Variants in WWOX observed in about 807,000 individuals in gnomAD.
The protein encoded by WWOX is WW domain-containing oxidoreductase.
Under a neutral mutation model 46.2 loss-of-function variants are expected in WWOX, and 69 were observed. The ratio of observed to expected loss-of-function variants is 1.49; its 90% CI spans 1.23 to 1.82. The LOEUF (loss-of-function observed/expected upper bound fraction) is 1.82, where lower values mean the gene tolerates loss of function less well. WWOX is among the 40% of genes most tolerant of loss of function. The probability of loss-of-function intolerance (pLI) is 0.00; values close to 1 mark genes in which losing one functional copy is unlikely to be tolerated. For missense variants in WWOX, 919 were observed against 542.6 expected (o/e 1.69, Z -6.89); for synonymous variants, 359 against 202.6 (o/e 1.77, Z -6.56).
chr16:78,915,514 C>T lies in WWOX; in HGVS notation c.1057-296094C>T, dbSNP rs1015830460. On this transcript the variant is annotated intron_variant, in intron 8 of 8. Coordinates refer to ENST00000566780, the MANE Select transcript of WWOX (RefSeq NM_016373.4). ...ATGAGCCTACACAGAATGTCGCATG[C>T]AGATCAATGAGCCAAATGTTAGCAG... 2.6e-5 allele frequency among the ~76,000 whole-genome samples: 4 copies of T among 152,254 alleles called. No homozygotes were observed. In the East Asian group the frequency reaches 7.7e-4, roughly 29 times the overall value.
intron 8 of WWOX, among the ~76,000 whole-genome samples, chr16:79,178,522 G>T (rs760447575): frequency 6.6e-6 from 1 of 152,076 alleles, no homozygotes; most frequent in Non-Finnish European, 1.5e-5. Context: ...TCACTGTGTT[G>T]TCCAGGCTGG....
At chr16:78,189,191 A>G (rs761626309) in intron 5 of WWOX, among the ~76,000 whole-genome samples, 2 of 152,196 alleles carry the variant, frequency 1.3e-5, no homozygotes, top group Non-Finnish European at 2.9e-5. Context: ...AGGAATACCT[A>G]GATTCCAGAG....
intron 8 of WWOX, among the ~76,000 whole-genome samples, chr16:78,589,607 G>C (rs776015440): frequency 6.6e-6 from 1 of 152,206 alleles, no homozygotes; most frequent in Non-Finnish European, 1.5e-5. Flanking sequence ...CAGTAGAGAA[G>C]TGGTTGCTTA....
intron 8 of WWOX, among the ~76,000 whole-genome samples, chr16:78,935,883 G>A (rs890395790): frequency 3.3e-5 from 5 of 152,048 alleles, no homozygotes; most frequent in African/African-American, 1.2e-4. Context: ...CTGCACTTCG[G>A]CCTGGGTGAC....
At chr16:78,960,327 G>T (rs547248634) in intron 8 of WWOX, among the ~76,000 whole-genome samples, 3 of 152,188 alleles carry the variant, frequency 2.0e-5, no homozygotes, top group African/African-American at 4.8e-5. Context: ...CGTTTGGCTT[G>T]TGGTATATTC....
intron 8 of WWOX, among the ~76,000 whole-genome samples, chr16:78,962,981 T>A (rs1419368319): frequency 3.3e-5 from 5 of 152,208 alleles, no homozygotes; most frequent in Non-Finnish European, 5.9e-5. Context: ...TCATTCTTCT[T>A]TCTCTGCCAC....
At chr16:78,936,424 T>A (rs1426344064) in intron 8 of WWOX, among the ~76,000 whole-genome samples, 1 of 152,148 alleles carries the variant, frequency 6.6e-6, no homozygotes, top group Non-Finnish European at 1.5e-5. Flanking sequence ...GACTTCTTAC[T>A]CTCTAGAGCT....
chr16:78,586,291 TG>T (rs2045205527), intron 8 of WWOX, among the ~76,000 whole-genome samples: 1 of 152,200 alleles, frequency 6.6e-6, no homozygotes, highest in Non-Finnish European at 1.5e-5. Context: ...AGCAAGATTC[TG>T]CCTTTAAAAA....
At chr16:78,260,133 C>T (rs972245086) in intron 5 of WWOX, among the ~76,000 whole-genome samples, 7 of 151,336 alleles carry the variant, frequency 4.6e-5, no homozygotes, top group African/African-American at 1.5e-4. Context: ...AAGGAGCAGG[C>T]AGCCATCCTT....
At chr16:78,907,223 G>C (rs372341949) in intron 8 of WWOX, among the ~76,000 whole-genome samples, 1 of 152,082 alleles carries the variant, frequency 6.6e-6, no homozygotes, top group Non-Finnish European at 1.5e-5. Context: ...CCCTGAATCC[G>C]CTTCTGGGTG....
chr16:78,887,060 T>C (rs2044473282), intron 8 of WWOX, among the ~76,000 whole-genome samples: 1 of 90,724 alleles, frequency 1.1e-5, no homozygotes, highest in Admixed American at 1.4e-4. Flanking sequence ...ACAGTCTGGC[T>C]ATATGTGTGT....
intron 8 of WWOX, among the ~76,000 whole-genome samples, chr16:79,176,241 T>C (rs890802924): frequency 2.6e-5 from 4 of 152,204 alleles, no homozygotes; most frequent in African/African-American, 9.6e-5. Flanking sequence ...TCCTGGCCAA[T>C]GGCAGCTACG....
chr16:79,124,191 T>C (rs1291418950), intron 8 of WWOX, among the ~76,000 whole-genome samples: 1 of 152,174 alleles, frequency 6.6e-6, no homozygotes, highest in Non-Finnish European at 1.5e-5. Flanking sequence ...CCCGTTGCTA[T>C]AGATACCAAA....
intron 8 of WWOX, among the ~76,000 whole-genome samples, chr16:78,637,441 C>CA (rs11426631): frequency 0.3 from 41,088 of 139,140 alleles, 5,944 homozygotes; most frequent in African/African-American, 0.39. Context: ...AACTCTGTCT[C>CA]AAAAAAAAAA....
chr16:79,185,802 G>A (rs16949820), intron 8 of WWOX, among the ~76,000 whole-genome samples: 1,752 of 152,262 alleles, frequency 0.012, 97 homozygotes, highest in Admixed American at 0.097. Flanking sequence ...AGGGTAGAAT[G>A]CATCGGACAC....
At chr16:79,013,647 G>T (rs914839255) in intron 8 of WWOX, among the ~76,000 whole-genome samples, 1 of 152,088 alleles carries the variant, frequency 6.6e-6, no homozygotes, top group Non-Finnish European at 1.5e-5. Context: ...GGGTCTCCTC[G>T]GAGGTCGGTT....
At position 78,734,721 on chromosome 16, in the gene WWOX, A is replaced by G. The variant is rs1017360187; in HGVS notation, c.1056+301969A>G. 5.3e-5 allele frequency among the ~76,000 whole-genome samples: 8 copies of G among 152,092 alleles called. No individual in the cohort carries two copies. The East Asian group carries it at 1.6e-3, about 30-fold the overall frequency. ...TTTAAATCAGTCACCTGATTACAGC[A>G]GATTGTTCTCAAGTGCCTGAGCTTC... On this transcript the variant is annotated intron_variant, in intron 8 of 8. Coordinates refer to ENST00000566780, the MANE Select transcript of WWOX (RefSeq NM_016373.4).
intron 4 of WWOX, among the ~76,000 whole-genome samples, chr16:78,128,926 T>C (rs1344296007): frequency 6.6e-6 from 1 of 152,254 alleles, no homozygotes; most frequent in Non-Finnish European, 1.5e-5. Flanking sequence ...AAAAATGCTG[T>C]TACAGCTTTA....
chr16:79,157,329 C>T (rs548072414), intron 8 of WWOX, among the ~76,000 whole-genome samples: 50 of 151,776 alleles, frequency 3.3e-4, no homozygotes, highest in Non-Finnish European at 6.2e-4. Flanking sequence ...CATCTCTATT[C>T]TGGGCTTCAC....
Sources: allele counts gnomAD v4.1 joint callset (sites outside exome capture counted in the v4.1 genomes callset), GRCh38; gene constraint gnomAD v4.1.1; transcripts MANE v1.5; gene names NCBI Gene and HGNC (gene_info 2026-07-23, HGNC 2026-07-21).